GPC6: variants seen among roughly 807,000 people sequenced by gnomAD.
The protein encoded by GPC6 is glypican-6.
GPC6 carries 14 observed loss-of-function variants against 55.2 expected under a neutral mutation model. The observed-to-expected ratio is 0.25, with a 90% CI of 0.17 to 0.40. The LOEUF is 0.40. Among genes scored for constraint, GPC6 ranks in the 10% least tolerant of loss-of-function variants. The pLI is 1.00. For missense variants in GPC6, 641 were observed against 708.5 expected (o/e 0.90, Z 1.08); for synonymous variants, 278 against 259.6 (o/e 1.07, Z -0.68).
chr13:93,455,108 C>G (rs948860234), intron 1 of GPC6, among the ~76,000 whole-genome samples: 3 of 152,218 alleles, frequency 2.0e-5, no homozygotes, highest in African/African-American at 7.2e-5. Context: ...CCACGCCCAC[C>G]CGGAACTCCA....
intron 2 of GPC6, among the ~76,000 whole-genome samples, chr13:93,748,767 A>G (rs1369971132): frequency 6.6e-6 from 1 of 152,056 alleles, no homozygotes; most frequent in East Asian, 1.9e-4. Flanking sequence ...TCTTTAGTGA[A>G]TTTTCTAAGT....
At chr13:94,143,500 T>A (rs1887455364) in intron 4 of GPC6, among the ~76,000 whole-genome samples, 1 of 152,232 alleles carries the variant, frequency 6.6e-6, no homozygotes, top group African/African-American at 2.4e-5. Context: ...CATGACATTC[T>A]TCTCAGATAC....
At chr13:94,141,627 G>A (rs58418768) in intron 4 of GPC6, among the ~76,000 whole-genome samples, 15,453 of 152,208 alleles carry the variant, frequency 0.1, 889 homozygotes, top group Middle Eastern at 0.19. Context: ...CGTTCAGTTG[G>A]TGGGGAGCTT....
chr13:93,538,475 A>G (rs959859522), intron 1 of GPC6, among the ~76,000 whole-genome samples: 2 of 152,172 alleles, frequency 1.3e-5, no homozygotes, highest in African/African-American at 2.4e-5. Flanking sequence ...AAGTGAAGAG[A>G]CAGCAAGATA....
chr13:94,270,856 A>C (rs1309339325), intron 4 of GPC6, among the ~76,000 whole-genome samples: 1 of 151,770 alleles, frequency 6.6e-6, no homozygotes, highest in Non-Finnish European at 1.5e-5. Context: ...TGGCAGAAAG[A>C]GAAAGTATGG....
intron 3 of GPC6, among the ~76,000 whole-genome samples, chr13:93,967,999 G>T (rs1199298620): frequency 6.6e-6 from 1 of 152,106 alleles, no homozygotes; most frequent in Non-Finnish European, 1.5e-5. Context: ...GGCCTTTCTA[G>T]AAATGCTTAT....
chr13:93,651,776 T>C (rs980947179), intron 2 of GPC6, among the ~76,000 whole-genome samples: 1 of 152,046 alleles, frequency 6.6e-6, no homozygotes, highest in African/African-American at 2.4e-5. Context: ...GCCTGCAAAC[T>C]AAGGCCTAAA....
At chr13:93,857,794 G>C (rs935684855) in intron 3 of GPC6, among the ~76,000 whole-genome samples, 2 of 151,330 alleles carry the variant, frequency 1.3e-5, no homozygotes, top group Non-Finnish European at 3.0e-5. Flanking sequence ...TTTCCAAATA[G>C]AGAAAATGTA....
At chr13:93,363,079 G>T (rs1244680886) in intron 1 of GPC6, among the ~76,000 whole-genome samples, 2 of 148,458 alleles carry the variant, frequency 1.3e-5, no homozygotes, top group African/African-American at 4.9e-5. Context: ...AATAATGTCA[G>T]TAGGTTTTGT....
At chr13:93,862,515 G>A (rs1566575216) in intron 3 of GPC6, among the ~76,000 whole-genome samples, 1 of 151,566 alleles carries the variant, frequency 6.6e-6, no homozygotes, top group African/African-American at 2.4e-5. Flanking sequence ...GGAGATTGTG[G>A]TGCATGTGTC....
At chr13:93,259,617 C>A (rs923941821) in intron 1 of GPC6, among the ~76,000 whole-genome samples, 3 of 151,714 alleles carry the variant, frequency 2.0e-5, no homozygotes, top group Non-Finnish European at 4.4e-5. Context: ...CCTGTGAGTT[C>A]TTTTTCCAGT....
intron 2 of GPC6, among the ~76,000 whole-genome samples, chr13:93,703,555 A>G (rs1464191811): frequency 6.6e-6 from 1 of 151,972 alleles, no homozygotes; most frequent in African/African-American, 2.4e-5. Context: ...AGCACAATAA[A>G]ACAAGGTATT....
At chr13:93,913,783 A>G (rs989925068) in intron 3 of GPC6, among the ~76,000 whole-genome samples, 7 of 152,144 alleles carry the variant, frequency 4.6e-5, no homozygotes, top group African/African-American at 9.7e-5. Flanking sequence ...ATGATTCACT[A>G]TCGAAGGATT....
the GPC6 span, among the ~76,000 whole-genome samples, chr13:93,218,917 T>C: frequency 2.0e-5 from 3 of 152,130 alleles, no homozygotes; most frequent in South Asian, 6.2e-4. Context: ...GCCTAATAGA[T>C]GACATTCATT....
At chr13:94,349,254 C>T (rs925886703) in intron 6 of GPC6, among the ~76,000 whole-genome samples, 1 of 152,178 alleles carries the variant, frequency 6.6e-6, no homozygotes, top group African/African-American at 2.4e-5. Context: ...CACAGAAATG[C>T]CTCTCCTACA....
intron 2 of GPC6, among the ~76,000 whole-genome samples, chr13:93,550,836 C>CAAG (rs1875119201): frequency 6.6e-6 from 1 of 152,030 alleles, no homozygotes; most frequent in Non-Finnish European, 1.5e-5. Context: ...CATTTAGAGC[C>CAAG]TACCATAGAG....
intron 3 of GPC6, among the ~76,000 whole-genome samples, chr13:93,987,025 A>C (rs1248982073): frequency 6.6e-6 from 1 of 152,146 alleles, no homozygotes. Context: ...TCTAGAATGC[A>C]TGATGACATT....
intron 2 of GPC6, among the ~76,000 whole-genome samples, chr13:93,781,691 A>G (rs1046370006): frequency 6.6e-6 from 1 of 152,208 alleles, no homozygotes; most frequent in Admixed American, 6.6e-5. Flanking sequence ...TGTCTGAGCC[A>G]TGATATTAGA....
chr13:94,175,629 A>G (rs981803922), intron 4 of GPC6, among the ~76,000 whole-genome samples: 1 of 152,078 alleles, frequency 6.6e-6, no homozygotes, highest in African/African-American at 2.4e-5. Flanking sequence ...GCAATGGAGT[A>G]TGAGAGTCTA....
Sources: gnomAD v4.1 joint callset for allele counts (sites outside exome capture counted in the v4.1 genomes callset) on GRCh38, gnomAD v4.1.1 for gene constraint, MANE v1.5 for transcripts, NCBI Gene and HGNC (gene_info 2026-07-23, HGNC 2026-07-21) for gene names.